The following TENM2 variants were observed in gnomAD, a reference collection of about 807,000 sequenced individuals.
TENM2 encodes the protein teneurin transmembrane protein 2.
In TENM2, 52 loss-of-function variants were observed where a neutral mutation model predicts 245.2. The observed-to-expected ratio is 0.21, with a 90% CI of 0.17 to 0.27. TENM2 has a LOEUF of 0.27. Ranked by LOEUF, TENM2 falls within the 10% of genes least tolerant of loss-of-function variation. TENM2 has a pLI of 1.00. For missense variants in TENM2, 3,046 were observed against 3,666.8 expected, an observed-to-expected ratio of 0.83 and a Z score of 4.37; for synonymous variants, 1,363 against 1,438.9, an observed-to-expected ratio of 0.95 and a Z score of 1.19.
At chr5:167,914,244 A>G in intron 3 of TENM2, among the ~76,000 whole-genome samples, 1 of 152,192 alleles carries the variant, frequency 6.6e-6, no homozygotes, top group Non-Finnish European at 1.5e-5. Flanking sequence ...ATTATCTGAG[A>G]GTTTTGGAAA....
intron 2 of TENM2, among the ~76,000 whole-genome samples, chr5:167,527,756 A>G (rs1283877837): frequency 6.6e-6 from 1 of 152,164 alleles, no homozygotes; most frequent in Non-Finnish European, 1.5e-5. Context: ...AACCTTAGCA[A>G]ACAGTAGGCA....
At chr5:167,640,169 C>T (rs944965072) in intron 2 of TENM2, among the ~76,000 whole-genome samples, 4 of 152,128 alleles carry the variant, frequency 2.6e-5, no homozygotes, top group African/African-American at 9.7e-5. Flanking sequence ...AGAATCAAAA[C>T]CCTACCAACT....
the TENM2 span, among the ~76,000 whole-genome samples, chr5:167,096,136 TA>T: frequency 3.3e-5 from 5 of 152,208 alleles, no homozygotes; most frequent in African/African-American, 9.7e-5. Context: ...TGGAAAATAG[TA>T]ATTATATATA....
chr5:167,349,404 AC>A (rs1415434867), intron 1 of TENM2, among the ~76,000 whole-genome samples: 8 of 152,188 alleles, frequency 5.3e-5, no homozygotes, highest in Non-Finnish European at 1.0e-4. Context: ...CAGAATTTGA[AC>A]TTAGTTTATT....
the TENM2 span, among the ~76,000 whole-genome samples, chr5:167,266,696 A>G: frequency 1.3e-5 from 2 of 152,226 alleles, no homozygotes; most frequent in African/African-American, 4.8e-5. Flanking sequence ...TCTAAATAAA[A>G]TGGTTGCTGT....
At chr5:168,139,642 G>A (rs1755358831) in intron 12 of TENM2, 3 of 447,284 alleles carry the variant, frequency 6.7e-6, no homozygotes, top group Middle Eastern at 3.3e-4. Context: ...TCAGGGAAGG[G>A]GAGGGAGGGA....
chr5:167,282,714 A>C (rs1336770820), upstream of TENM2, among the ~76,000 whole-genome samples: 1 of 152,184 alleles, frequency 6.6e-6, no homozygotes, highest in Non-Finnish European at 1.5e-5. Context: ...ACTGGCATCC[A>C]ATTAAGACTT....
chr5:167,934,740 C>A, intron 3 of TENM2: 2 of 387,370 alleles, frequency 5.2e-6, no homozygotes, highest in Non-Finnish European at 7.1e-6. Context: ...ATCGCTCGAA[C>A]CTTCCCGTCT....
chr5:167,962,758 T>C (rs1242906723), intron 4 of TENM2, among the ~76,000 whole-genome samples: 2 of 152,102 alleles, frequency 1.3e-5, no homozygotes, highest in Non-Finnish European at 2.9e-5. Flanking sequence ...TCAGATCTCA[T>C]GAGAACTCAC....
rs1261908104 is a variant in TENM2 at position 168,244,437 on chromosome 5, C to T, written c.5538C>T (p.Leu1846=). 6.4e-7 allele frequency: 1 copy of T among 1,558,934 alleles called. No homozygotes were observed. Among genetic ancestry groups the T allele is most frequent in the Non-Finnish European group, 8.7e-7 (1 of 1,145,084 alleles). Residue 1846 remains leucine, a synonymous_variant, in exon 26 of 29, where the codon CTC becomes CTT. Transcript: ENST00000518659. The surrounding 1 kb of genome is among the most constrained non-coding windows in gnomAD (Gnocchi z 4.9). ...TTTCCTAGGTCCATGGAAGAAATCT[C>T]TTGTCCATTGACTATGATCGAAATA...
chr5:167,333,167 G>C (rs1279100197), intron 1 of TENM2, among the ~76,000 whole-genome samples: 1 of 152,182 alleles, frequency 6.6e-6, no homozygotes, highest in African/African-American at 2.4e-5. Flanking sequence ...ATCAGAGAAA[G>C]TCTTTCCATA....
chr5:167,690,378 G>T (rs1757347104), intron 2 of TENM2, among the ~76,000 whole-genome samples: 1 of 151,970 alleles, frequency 6.6e-6, no homozygotes, highest in African/African-American at 2.4e-5. Flanking sequence ...ACAGATTGGG[G>T]TTTTTTCCCT....
chr5:168,079,942 C>T (rs1369791664), intron 7 of TENM2, among the ~76,000 whole-genome samples: 1 of 152,204 alleles, frequency 6.6e-6, no homozygotes, highest in Non-Finnish European at 1.5e-5. Context: ...ATCCTGGCCC[C>T]ATAAAATGAG....
chr5:167,377,440 A>T (rs1361388315), intron 2 of TENM2, among the ~76,000 whole-genome samples: 2 of 152,144 alleles, frequency 1.3e-5, no homozygotes, highest in Non-Finnish European at 2.9e-5. Flanking sequence ...GAGGTATTGA[A>T]GCCAGAGTTC....
chr5:167,007,892 G>A, the TENM2 span, among the ~76,000 whole-genome samples: 1 of 152,116 alleles, frequency 6.6e-6, no homozygotes, highest in Admixed American at 6.6e-5. The surrounding 1 kb of genome is among the most constrained non-coding windows in gnomAD (Gnocchi z 4.2). Flanking sequence ...CTTGGGGGCA[G>A]CCTGGAACAA....
intron 1 of TENM2, among the ~76,000 whole-genome samples, chr5:167,364,875 T>A (rs1759948266): frequency 6.6e-6 from 1 of 152,022 alleles, no homozygotes; most frequent in Non-Finnish European, 1.5e-5. Flanking sequence ...ACTACAGATT[T>A]AACTCTTTTC....
chr5:167,625,270 C>T (rs1038133388), intron 2 of TENM2, among the ~76,000 whole-genome samples: 4 of 152,176 alleles, frequency 2.6e-5, no homozygotes, highest in Admixed American at 6.5e-5. Context: ...ATTACCAATA[C>T]GTTTAATTTT....
the TENM2 span, among the ~76,000 whole-genome samples, chr5:167,120,366 G>A: frequency 1.3e-5 from 2 of 152,148 alleles, no homozygotes; most frequent in East Asian, 1.9e-4. Flanking sequence ...AAGTGAGGCT[G>A]GAAACAATGA....
At chr5:167,528,270 T>A (rs1472647936) in intron 2 of TENM2, among the ~76,000 whole-genome samples, 1 of 152,072 alleles carries the variant, frequency 6.6e-6, no homozygotes, top group Non-Finnish European at 1.5e-5. Context: ...CATTTGGAAG[T>A]CAAAATGGAC....
Sources: allele counts gnomAD v4.1 joint callset (sites outside exome capture counted in the v4.1 genomes callset), GRCh38; gene constraint gnomAD v4.1.1; non-coding constraint Gnocchi (gnomAD v3.1); transcripts MANE v1.5; gene names NCBI Gene and HGNC (gene_info 2026-07-23, HGNC 2026-07-21).